SHPRH: variants seen among roughly 807,000 people sequenced by gnomAD.
SHPRH encodes SNF2 histone linker PHD RING helicase.
Under a neutral mutation model 202.5 loss-of-function variants are expected in SHPRH, and 106 were observed. That is an observed-to-expected ratio of 0.52 (90% confidence interval 0.45 to 0.62). The LOEUF (loss-of-function observed/expected upper bound fraction) is 0.62. Among genes scored for constraint, SHPRH ranks in the 20% least tolerant of loss-of-function variants. SHPRH has a pLI of 0.00. For synonymous variants in SHPRH, 729 were observed against 686.0 expected (o/e 1.06, Z -0.98); for missense variants, 1,710 against 2,020.0 (o/e 0.85, Z 2.94).
intron 1 of SHPRH, among the ~76,000 whole-genome samples, chr6:145,959,042 A>G (rs1788800443): frequency 6.6e-6 from 1 of 152,006 alleles, no homozygotes; most frequent in Non-Finnish European, 1.5e-5. Context: ...TTCATGTGTT[A>G]GCCAGGATGG....
chr6:145,948,892 C>G (rs1429660989), intron 4 of SHPRH, among the ~76,000 whole-genome samples: 2 of 152,034 alleles, frequency 1.3e-5, no homozygotes, highest in African/African-American at 2.4e-5. Flanking sequence ...GAATCTTCCA[C>G]TAGCCTTCTC....
chr6:145,884,093 T>C (rs949255231), downstream of SHPRH: 1 of 152,196 alleles, frequency 6.6e-6, no homozygotes, highest in East Asian at 1.9e-4. Flanking sequence ...GCATTGGTGA[T>C]TAACCTTGCA....
At chr6:145,946,779 CT>C (rs1248182725) in intron 6 of SHPRH, among the ~76,000 whole-genome samples, 1 of 151,802 alleles carries the variant, frequency 6.6e-6, no homozygotes, top group Non-Finnish European at 1.5e-5. Flanking sequence ...ATCTGAAAGG[CT>C]AATTCTGCAA....
Position 145,919,577 on chromosome 6 carries a change from C to A in SHPRH, c.4009-86G>T. The A allele has an allele frequency of 2.7e-6, 4 of 1,467,092 alleles. 1 individual carries two copies. In the South Asian group the frequency reaches 5.2e-5, roughly 19 times the overall value. 90.9% of individuals were successfully genotyped at this position (1,467,092 alleles called of 1,614,324 possible). A position where few individuals can be genotyped will look rare whatever the true frequency, so the allele number is the denominator to read the frequency against. On this transcript the variant is annotated intron_variant, in intron 21 of 29. Coordinates refer to ENST00000275233, the MANE Select transcript of SHPRH (RefSeq NM_001042683.3). ...ACCAAGATGTGCCTTAAGCAAAAGT[C>A]TTCAATGAGATCTTACACTTTTTCG... is the stretch of plus-strand genomic sequence containing the variant.
chr6:145,890,573 C>T (rs1255421156), intron 28 of SHPRH, among the ~76,000 whole-genome samples: 1 of 152,140 alleles, frequency 6.6e-6, no homozygotes, highest in African/African-American at 2.4e-5. Context: ...CTGCTTCCTT[C>T]TCCTCTCCTA....
Position 145,910,510 on chromosome 6 carries a change from T to C in SHPRH, c.4453A>G (p.Lys1485Glu), listed in dbSNP as rs1783399892. Residue 1485 changes from lysine (K) to glutamate (E), a missense_variant, in exon 25 of 30, where the codon AAA becomes GAA. Lys to Glu is a moderately conservative substitution (Grantham distance 56). This residue lies in a region of SHPRH where 306 missense variants were observed against 479.5 expected (regional missense o/e 0.64). Transcript: ENST00000275233. ...CAICRQTTSH[K>E]EISYVFTSEK... ...GAGGTAAAGACATACGAGATTTCTT[T>C]GTGAGATGTGGTCTGGCGGCAGATT... is the stretch of plus-strand genomic sequence containing the variant. 1 of 1,613,200 alleles carries C rather than the reference T, an allele frequency of 6.2e-7. No homozygotes were observed. Among genetic ancestry groups the C allele is most frequent in the Non-Finnish European group, 8.5e-7 (1 of 1,179,580 alleles).
At chr6:145,859,919 G>A (rs967695947), downstream of SHPRH, among the ~76,000 whole-genome samples, 5 of 151,900 alleles carry the variant, frequency 3.3e-5, no homozygotes, top group African/African-American at 1.2e-4. Flanking sequence ...TGTCTAAGGT[G>A]GGTTTTTGTT....
chr6:145,891,202 T>C (rs2265477), intron 28 of SHPRH, among the ~76,000 whole-genome samples: 71,987 of 152,004 alleles, frequency 0.47, 17,499 homozygotes, highest in African/African-American at 0.56. Flanking sequence ...ACTGAGCCCA[T>C]TCACTTCAAC....
intron 24 of SHPRH, among the ~76,000 whole-genome samples, chr6:145,910,957 A>G (rs1035936872): frequency 1.3e-5 from 2 of 152,136 alleles, no homozygotes; most frequent in African/African-American, 2.4e-5. Context: ...AGGGACTTAG[A>G]ATATTAATTT....
chr6:145,959,448 G>A (rs1236972257), intron 1 of SHPRH, among the ~76,000 whole-genome samples: 2 of 152,130 alleles, frequency 1.3e-5, no homozygotes, highest in Admixed American at 1.3e-4. Context: ...GGAGCAGCAG[G>A]CTGTACCATA....
chr6:145,963,674 G>A (rs1389693744), intron 1 of SHPRH, 57 bp downstream of exon 1: 1 of 152,216 alleles, frequency 6.6e-6, no homozygotes, highest in East Asian at 1.9e-4. Context: ...CACAAAGAAG[G>A]GAGGCGGCGA....
chr6:145,923,528 G>T, intron 18 of SHPRH, 115 bp downstream of exon 18: 1 of 1,296,458 alleles, frequency 7.7e-7, no homozygotes, highest in Non-Finnish European at 1.1e-6. Context: ...TGTCTGTATA[G>T]GTTTATGAAT....
chr6:145,945,477 A>C lies in SHPRH; in HGVS notation c.1482T>G (p.Gly494=). 6.2e-7 allele frequency: 1 copy of C among 1,613,224 alleles called. No individual in the cohort carries two copies. Among genetic ancestry groups the C allele is most frequent in the East Asian group, 2.2e-5 (1 of 44,786 alleles). The part of the protein sequence containing the change: ...KRMLKCLIFE[G]LVKQIKGHGF... ...CATGGCCTTTGATCTGTTTCACGAG[A>C]CCTTCAAAAATTAAACATTTCAGCA... The change falls in exon 8 of 30, where the codon GGT becomes GGG. Residue 494 remains glycine, a synonymous_variant. Coordinates refer to ENST00000275233, the MANE Select transcript of SHPRH (RefSeq NM_001042683.3).
intron 25 of SHPRH, among the ~76,000 whole-genome samples, chr6:145,899,026 C>A (rs1001942055): frequency 2.0e-5 from 3 of 152,030 alleles, no homozygotes; most frequent in Admixed American, 1.3e-4. Context: ...GTTGCCCAGG[C>A]TGGTCTTGAA....
intron 2 of SHPRH, among the ~76,000 whole-genome samples, chr6:145,878,485 T>G (rs915600260): frequency 6.6e-6 from 1 of 152,260 alleles, no homozygotes; most frequent in South Asian, 2.1e-4. Flanking sequence ...TATTTCGGTT[T>G]TGATATCTAC....
chr6:145,909,850 C>CAGT (rs1337578533), intron 25 of SHPRH: 1 of 152,030 alleles, frequency 6.6e-6, no homozygotes, highest in Non-Finnish European at 1.5e-5. Flanking sequence ...CCCTTAAAAG[C>CAGT]AGTAAATCCA....
At chr6:145,942,346 T>C (rs1192829930) in intron 9 of SHPRH, among the ~76,000 whole-genome samples, 1 of 152,198 alleles carries the variant, frequency 6.6e-6, no homozygotes, top group African/African-American at 2.4e-5. Flanking sequence ...TCAACAATAA[T>C]TCTGTTGGTG....
intron 1 of SHPRH, among the ~76,000 whole-genome samples, chr6:145,959,204 T>C (rs1257886145): frequency 6.6e-6 from 1 of 152,176 alleles, no homozygotes; most frequent in African/African-American, 2.4e-5. Flanking sequence ...TACAGAAGTG[T>C]ACAGTAATGT....
intron 3 of SHPRH, chr6:145,951,856 C>G (rs143055226): frequency 1.1e-5 from 5 of 456,058 alleles, no homozygotes; most frequent in Non-Finnish European, 2.2e-5. Flanking sequence ...ACCAAGCCAT[C>G]CACACTCTCC....
Sources: gnomAD v4.1 joint callset for allele counts (sites outside exome capture counted in the v4.1 genomes callset) on GRCh38, gnomAD v4.1.1 for gene constraint, gnomAD v4.1.1 regional missense constraint, MANE v1.5 for transcripts, NCBI Gene and HGNC (gene_info 2026-07-23, HGNC 2026-07-21) for gene names.